The following SYN3 variants were observed in gnomAD, a reference collection of about 807,000 sequenced individuals.
SYN3 encodes the protein synapsin-3.
In SYN3, 35 loss-of-function variants were observed where a neutral mutation model predicts 65.8. That is an observed-to-expected ratio of 0.53 (90% CI 0.41 to 0.70). The LOEUF (loss-of-function observed/expected upper bound fraction) is 0.70, where lower values mean the gene tolerates loss of function less well. SYN3 is among the 30% of genes least tolerant of loss of function. SYN3 has a pLI of 0.00. For synonymous variants in SYN3, 270 were observed against 292.9 expected, an observed-to-expected ratio of 0.92 and a Z score of 0.80; for missense variants, 680 against 749.0, an observed-to-expected ratio of 0.91 and a Z score of 1.08.
intron 2 of SYN3, among the ~76,000 whole-genome samples, chr22:33,000,679 T>C (rs1319288742): frequency 6.6e-6 from 1 of 152,194 alleles, no homozygotes; most frequent in Non-Finnish European, 1.5e-5. Flanking sequence ...GGGTTCACTG[T>C]CTGTCCAGAC....
At chr22:32,594,277 C>T (rs939355020) in intron 7 of SYN3, among the ~76,000 whole-genome samples, 1 of 152,158 alleles carries the variant, frequency 6.6e-6, no homozygotes, top group Non-Finnish European at 1.5e-5. Flanking sequence ...AGTGGAAAAC[C>T]AGGCAGAACT....
Position 32,671,775 on chromosome 22 carries a change from G to A in SYN3, c.712-75039C>T, listed in dbSNP as rs2060373443. Among the ~76,000 whole-genome samples, 3 of 137,236 alleles carry A rather than the reference G, an allele frequency of 2.2e-5. No homozygotes were observed. The South Asian group carries it at 7.2e-4, about 33-fold the overall frequency. 90.0% of individuals were successfully genotyped at this position (137,236 alleles called of 152,430 possible). On this transcript the variant is annotated intron_variant, in intron 6 of 13. Transcript: ENST00000358763. The stretch of plus-strand genomic sequence containing the variant: ...GGTGCACACACACTGTCACACAGGT[G>A]CACACACACATGCTCTCACACAGGT...
chr22:32,947,945 C>G (rs1003166680), intron 3 of SYN3, among the ~76,000 whole-genome samples: 1 of 152,164 alleles, frequency 6.6e-6, no homozygotes, highest in Admixed American at 6.5e-5. Flanking sequence ...CCAGATTCCT[C>G]CAGGTTACTG....
chr22:32,618,045 G>C (rs780266993), intron 6 of SYN3, among the ~76,000 whole-genome samples: 1 of 152,028 alleles, frequency 6.6e-6, no homozygotes, highest in African/African-American at 2.4e-5. Flanking sequence ...GCCACATCAC[G>C]CCTATCTCAG....
chr22:32,520,213 C>T (rs1601549165), intron 12 of SYN3, among the ~76,000 whole-genome samples: 1 of 152,198 alleles, frequency 6.6e-6, no homozygotes, highest in East Asian at 1.9e-4. Context: ...CATGGTCACA[C>T]CGCAGCAGTG....
chr22:33,038,702 A>G (rs552287666), intron 1 of SYN3, among the ~76,000 whole-genome samples: 5 of 152,258 alleles, frequency 3.3e-5, no homozygotes, highest in African/African-American at 7.2e-5. Context: ...GAGAAATCCA[A>G]CGTTCCTGGA....
At chr22:32,585,821 G>C (rs1387707269) in intron 7 of SYN3, among the ~76,000 whole-genome samples, 1 of 151,676 alleles carries the variant, frequency 6.6e-6, no homozygotes, top group Non-Finnish European at 1.5e-5. Context: ...GCAAATTTAA[G>C]GACTCTTTAC....
intron 7 of SYN3, among the ~76,000 whole-genome samples, chr22:32,575,452 A>C (rs2058837684): frequency 6.6e-6 from 1 of 152,152 alleles, no homozygotes; most frequent in Non-Finnish European, 1.5e-5. Flanking sequence ...GGTCTTCCAG[A>C]GGGCGGCAGC....
At chr22:32,848,327 C>T (rs1427385) in intron 6 of SYN3, among the ~76,000 whole-genome samples, 74,952 of 151,948 alleles carry the variant, frequency 0.49, 19,165 homozygotes, top group African/African-American at 0.62. Flanking sequence ...TAAGATCTTT[C>T]GTTCAATCCT....
intron 7 of SYN3, among the ~76,000 whole-genome samples, chr22:32,565,713 T>C (rs2058663302): frequency 6.7e-6 from 1 of 148,898 alleles, no homozygotes; most frequent in Non-Finnish European, 1.5e-5. Context: ...TTATTATATA[T>C]TTATTTATTT....
At chr22:32,689,425 G>T (rs1432675184) in intron 6 of SYN3, among the ~76,000 whole-genome samples, 1 of 152,138 alleles carries the variant, frequency 6.6e-6, no homozygotes, top group Non-Finnish European at 1.5e-5. Flanking sequence ...CATGAGAATT[G>T]GAGTAAGATA....
intron 8 of SYN3, among the ~76,000 whole-genome samples, chr22:32,540,670 G>A (rs987788397): frequency 6.6e-6 from 1 of 152,152 alleles, no homozygotes; most frequent in African/African-American, 2.4e-5. Context: ...GGGTGAAGGC[G>A]GGCTGCTTTT....
intron 1 of SYN3, among the ~76,000 whole-genome samples, chr22:33,053,333 G>C (rs1008276063): frequency 6.6e-6 from 1 of 152,172 alleles, no homozygotes; most frequent in African/African-American, 2.4e-5. Context: ...TGAGGCAGGA[G>C]AATCACTTGA....
chr22:32,615,547 C>T (rs2059507446), intron 6 of SYN3, among the ~76,000 whole-genome samples: 1 of 151,894 alleles, frequency 6.6e-6, no homozygotes, highest in Non-Finnish European at 1.5e-5. Context: ...CGGCTCCATC[C>T]AGCTCTGCCA....
intron 1 of SYN3, among the ~76,000 whole-genome samples, chr22:33,051,161 C>T (rs1407313276): frequency 6.6e-6 from 1 of 152,126 alleles, no homozygotes; most frequent in African/African-American, 2.4e-5. Context: ...CATCAGCAAG[C>T]CTGGCCTAGA....
At chr22:32,527,842 ATCAC>A in intron 12 of SYN3, 72 bp downstream of exon 12, 5 of 1,214,250 alleles carry the variant, frequency 4.1e-6, no homozygotes, top group Non-Finnish European at 5.9e-6. Context: ...CCTTGTGGGA[ATCAC>A]ATGTGGATCC....
chr22:32,927,023 C>T (rs939696362), intron 4 of SYN3, among the ~76,000 whole-genome samples: 1 of 152,106 alleles, frequency 6.6e-6, no homozygotes, highest in African/African-American at 2.4e-5. Context: ...CTGGGGGACA[C>T]AGGAACAGTC....
intron 7 of SYN3, among the ~76,000 whole-genome samples, chr22:32,570,893 T>C (rs947616169): frequency 1.3e-5 from 2 of 152,148 alleles, no homozygotes; most frequent in Non-Finnish European, 2.9e-5. Context: ...CAAATGAACA[T>C]GGATAATTTT....
intron 9 of SYN3, among the ~76,000 whole-genome samples, chr22:32,537,458 CG>C (rs1569016513): frequency 1.3e-5 from 2 of 152,240 alleles, no homozygotes; most frequent in East Asian, 3.9e-4. Context: ...CGCACCCGGC[CG>C]GCACTTCCTT....
Sources: gnomAD v4.1 joint callset for allele counts (sites outside exome capture counted in the v4.1 genomes callset) on GRCh38, gnomAD v4.1.1 for gene constraint, MANE v1.5 for transcripts, NCBI Gene and HGNC (gene_info 2026-07-23, HGNC 2026-07-21) for gene names.